The following MET variants were observed in gnomAD, a reference collection of about 807,000 sequenced individuals.
The protein encoded by MET is MET proto-oncogene, receptor tyrosine kinase, also known as hepatocyte growth factor receptor.
MET carries 48 observed loss-of-function variants against 133.1 expected under a neutral mutation model. That is an observed-to-expected ratio of 0.36 (90% confidence interval 0.29 to 0.46). MET has a LOEUF of 0.46. MET is among the 20% of genes least tolerant of loss of function. MET has a pLI of 1.00. For missense variants in MET, 1,442 were observed against 1,695.9 expected (o/e 0.85, Z 2.63); for synonymous variants, 628 against 616.5 (o/e 1.02, Z -0.28).
Position 116,770,067 on chromosome 7 carries a change from A to G in MET, c.2730+276A>G, listed in dbSNP as rs114202452. ...AAAATTTGCTGTAATTCTCAGAAGA[A>G]ATAAGGATGCATCCAAGAGTGTCCT... On this transcript the variant is annotated intron_variant, in intron 12 of 20. Coordinates refer to ENST00000397752, the MANE Select transcript of MET (RefSeq NM_000245.4). Among the ~76,000 whole-genome samples the G allele has an allele frequency of 8.3e-3, 1,260 of 152,260 alleles. 24 individuals carry two copies. Among genetic ancestry groups the G allele is most frequent in the African/African-American group, 0.028 (1,167 of 41,550 alleles).
At chr7:116,758,752 C>A in intron 9 of MET, 132 bp downstream of exon 9, 3 of 856,642 alleles carry the variant, frequency 3.5e-6, no homozygotes, top group Non-Finnish European at 5.5e-6. Flanking sequence ...GGCTTCTTTC[C>A]AATTCAGGAG....
At chr7:116,767,393 G>A (rs1429801044) in intron 11 of MET, among the ~76,000 whole-genome samples, 1 of 152,110 alleles carries the variant, frequency 6.6e-6, no homozygotes, top group African/African-American at 2.4e-5. Flanking sequence ...GCAGTGAGAG[G>A]AAGAAATCCT....
At chr7:116,717,396 C>G (rs1792285485) in intron 2 of MET, among the ~76,000 whole-genome samples, 1 of 152,104 alleles carries the variant, frequency 6.6e-6, no homozygotes, top group Admixed American at 6.5e-5. Context: ...TCTCCCAGTT[C>G]TATTTAATAA....
chr7:116,795,017 T>C (rs1795625284), intron 19 of MET, among the ~76,000 whole-genome samples: 1 of 152,264 alleles, frequency 6.6e-6, no homozygotes, highest in African/African-American at 2.4e-5. Flanking sequence ...GTCCCTGTGA[T>C]CTTCCTATAT....
intron 5 of MET, among the ~76,000 whole-genome samples, chr7:116,741,294 G>A (rs181773926): frequency 6.6e-6 from 1 of 152,184 alleles, no homozygotes; most frequent in Admixed American, 6.5e-5. Context: ...AGGTTCTATC[G>A]CTGGGCAGCT....
At chr7:116,792,502 C>CACACACA (rs1795540633) in intron 19 of MET, among the ~76,000 whole-genome samples, 11 of 132,506 alleles carry the variant, frequency 8.3e-5, no homozygotes, top group East Asian at 2.4e-4. Flanking sequence ...CACACACACA[C>CACACACA]CAGCTTCTCT....
chr7:116,740,908 A>G lies in MET; in HGVS notation c.1584A>G (p.Gln528=), dbSNP rs55755322. 58 of 1,614,166 alleles carry G rather than the reference A, an allele frequency of 3.6e-5. 1 individual carries two copies. In the East Asian group the frequency reaches 1.1e-3, roughly 31 times the overall value. ...GCAGACATTTCCAGTCCTGCAGTCA[A>G]TGCCTCTCTGCCCCACCCTTTGTTC... ...LGCRHFQSCS[Q]CLSAPPFVQC... The change falls in exon 5 of 21, where the codon CAA becomes CAG. Residue 528 remains glutamine (Q), a synonymous_variant. Coordinates refer to ENST00000397752, the MANE Select transcript of MET (RefSeq NM_000245.4).
intron 1 of MET, among the ~76,000 whole-genome samples, chr7:116,685,297 T>C (rs1168131760): frequency 1.3e-5 from 2 of 152,302 alleles, no homozygotes; most frequent in East Asian, 3.9e-4. Context: ...AACTTCTTAA[T>C]TTAAATCTCT....
At chr7:116,788,021 C>T (rs1430004750) in intron 19 of MET, among the ~76,000 whole-genome samples, 1 of 152,052 alleles carries the variant, frequency 6.6e-6, no homozygotes, top group African/African-American at 2.4e-5. Context: ...CTGATGCCTA[C>T]TACAGCATGA....
At chr7:116,786,304 C>T (rs932425120) in intron 19 of MET, among the ~76,000 whole-genome samples, 12 of 152,220 alleles carry the variant, frequency 7.9e-5, no homozygotes, top group Non-Finnish European at 1.6e-4. Flanking sequence ...TAAACATTGT[C>T]ACAGTGGGGC....
intron 2 of MET, among the ~76,000 whole-genome samples, chr7:116,716,474 A>AAAGAAAGAAAGAAAGG (rs1792223793): frequency 3.2e-5 from 2 of 62,618 alleles, no homozygotes; most frequent in African/African-American, 1.6e-4. Flanking sequence ...AAAGAGAAAG[A>AAAGAAAGAAAGAAAGG]AAGAAAGAAA....
rs185301166 is a variant in MET, at chr7:116,699,882, G to A, written c.798G>A (p.Arg266=). ...TTATTTACTTCTTGACGGTCCAAAGGGAAACTCTAGATGCTCAGACTTTTC... is the reference window on the plus strand; with the variant it reads ...TTATTTACTTCTTGACGGTCCAAAGAGAAACTCTAGATGCTCAGACTTTTC... ...NNFIYFLTVQ[R]ETLDAQTFHT... is the part of the protein sequence containing the mutation. The change falls in exon 2 of 21, where the codon AGG becomes AGA. Residue 266 remains arginine (R), a synonymous_variant. Transcript: ENST00000397752. 220 of 1,614,028 alleles carry A rather than the reference G, an allele frequency of 1.4e-4. 1 individual carries two copies. In the African/African-American group the frequency reaches 2.5e-3, roughly 18 times the overall value.
At chr7:116,755,258 A>G in intron 5 of MET, 97 bp from the exon 6 acceptor site, 1 of 1,333,548 alleles carries the variant, frequency 7.5e-7, no homozygotes, top group Non-Finnish European at 1.0e-6. Flanking sequence ...AGAATTTCAG[A>G]CTATTTAAGG....
intron 2 of MET, among the ~76,000 whole-genome samples, chr7:116,713,777 G>A (rs1448485621): frequency 6.6e-6 from 1 of 152,146 alleles, no homozygotes; most frequent in African/African-American, 2.4e-5. Context: ...GATATATTGG[G>A]ACACAATTGA....
chr7:116,682,970 A>G (rs1205822468), intron 1 of MET, among the ~76,000 whole-genome samples: 1 of 152,130 alleles, frequency 6.6e-6, no homozygotes, highest in Non-Finnish European at 1.5e-5. Context: ...TTTTCTACCT[A>G]AGTCTTGACC....
intron 2 of MET, among the ~76,000 whole-genome samples, chr7:116,725,082 C>A (rs1562899276): frequency 6.6e-6 from 1 of 152,082 alleles, no homozygotes; most frequent in African/African-American, 2.4e-5. Context: ...TGTGGGTTGG[C>A]CTTCCTATGC....
intron 2 of MET, among the ~76,000 whole-genome samples, chr7:116,712,940 C>T (rs533435832): frequency 7.9e-5 from 12 of 152,270 alleles, no homozygotes; most frequent in Admixed American, 5.2e-4. Context: ...ACCCTTTGAG[C>T]GGGTGATACC....
chr7:116,713,344 G>A (rs999848531), intron 2 of MET, among the ~76,000 whole-genome samples: 175 of 150,190 alleles, frequency 1.2e-3, no homozygotes, highest in Non-Finnish European at 1.9e-3. Context: ...GCAGTGAGCC[G>A]AGATCCCGCC....
intron 1 of MET, among the ~76,000 whole-genome samples, chr7:116,684,726 A>G (rs1796485483): frequency 6.6e-6 from 1 of 152,166 alleles, no homozygotes; most frequent in Non-Finnish European, 1.5e-5. Context: ...CTAGATTTCT[A>G]ATGGTGTGAT....
Sources: gnomAD v4.1 joint callset for allele counts (sites outside exome capture counted in the v4.1 genomes callset) on GRCh38, gnomAD v4.1.1 for gene constraint, MANE v1.5 for transcripts, NCBI Gene and HGNC (gene_info 2026-07-23, HGNC 2026-07-21) for gene names.